The following CNN2 variants were observed in gnomAD, a reference collection of about 807,000 sequenced individuals.
CNN2 encodes the protein calponin-2.
Under a neutral mutation model 31.0 loss-of-function variants are expected in CNN2, and 21 were observed. That is an observed-to-expected ratio of 0.68 (90% CI 0.48 to 0.98). CNN2 has a LOEUF of 0.98. CNN2 is among the 50% of genes least tolerant of loss of function. The pLI, the probability that CNN2 is intolerant of heterozygous loss-of-function variation, is 0.00. For missense variants in CNN2, 399 were observed against 427.3 expected (o/e 0.93, Z 0.58); for synonymous variants, 165 against 179.6 (o/e 0.92, Z 0.65).
At chr19:1,036,064 C>A (rs762065774) in intron 4 of CNN2, 66 bp from the exon 5 acceptor site, 1 of 1,509,700 alleles carries the variant, frequency 6.6e-7, no homozygotes, top group East Asian at 2.3e-5. Context: ...GTCCCGCCCC[C>A]AGGGCCTAGA....
chr19:1,032,758 T>C (rs771450353), intron 4 of CNN2, 62 bp downstream of exon 4: 205 of 1,292,276 alleles, frequency 1.6e-4, no homozygotes, highest in Non-Finnish European at 1.9e-4. Context: ...ATGTAGCTGC[T>C]GCATTCACTC....
rs1176767141 is a variant in CNN2, at chr19:1,036,488, A to C, written c.580A>C (p.Lys194Gln). 2 of 1,613,082 alleles carry C rather than the reference A, an allele frequency of 1.2e-6. No homozygotes were observed. Among genetic ancestry groups the C allele is most frequent in the Non-Finnish European group, 1.7e-6 (2 of 1,179,270 alleles). The change falls in exon 6 of 7, where the codon AAG (lysine) becomes CAG (glutamine). Residue 194 changes from lysine (K) to glutamine (Q), a missense_variant. By Grantham distance (53) the Lys-to-Gln change is moderately conservative (BLOSUM62 1). Transcript: ENST00000263097. ...YGTRRHLYDP[K>Q]NHILPPMDHS... Reference sequence around the variant, plus strand: ...CACGAGAAGGCATCTCTATGACCCCAAGAACCATATCCTGCCCCCCATGGA... The same window carrying C: ...CACGAGAAGGCATCTCTATGACCCCCAGAACCATATCCTGCCCCCCATGGA...
chr19:1,032,262 T>A, intron 2 of CNN2, 130 bp from the exon 3 acceptor site: 1 of 971,002 alleles, frequency 1.0e-6, no homozygotes, highest in Non-Finnish European at 1.5e-6. Context: ...GAGTGGAAAC[T>A]GAGGCCCAGA....
intron 4 of CNN2, among the ~76,000 whole-genome samples, chr19:1,035,781 GC>G (rs2039572148): frequency 1.3e-5 from 2 of 152,176 alleles, no homozygotes; most frequent in African/African-American, 2.4e-5. Context: ...AATTAGCCTG[GC>G]GTGGTGGCAC....
At chr19:1,037,109 T>C (rs5014188) in intron 6 of CNN2, 168,722 of 200,518 alleles carry the variant, frequency 0.84, 71,329 homozygotes, top group Admixed American at 0.88. Flanking sequence ...CCACCCGCCT[T>C]GACCTCCCAA....
chr19:1,030,901 C>T (rs1212511882), intron 1 of CNN2, 170 bp from the exon 2 acceptor site: 2 of 834,954 alleles, frequency 2.4e-6, no homozygotes, highest in Admixed American at 2.6e-5. Flanking sequence ...GGGGCGCCCC[C>T]AATGATGGGA....
intron 4 of CNN2, chr19:1,032,904 G>C (rs910794517): frequency 6.1e-6 from 3 of 490,608 alleles, no homozygotes; most frequent in Non-Finnish European, 1.1e-5. Flanking sequence ...TCAGTCTCCC[G>C]AGTAGCTGGG....
chr19:1,030,470 C>CA (rs1457135722), intron 1 of CNN2, among the ~76,000 whole-genome samples: 2 of 151,906 alleles, frequency 1.3e-5, no homozygotes, highest in Non-Finnish European at 2.9e-5. Flanking sequence ...ATTAAAAATA[C>CA]AAAAAATGAG....
chr19:1,028,909 T>TG (rs945438980), intron 1 of CNN2, among the ~76,000 whole-genome samples: 3 of 152,148 alleles, frequency 2.0e-5, no homozygotes, highest in African/African-American at 4.8e-5. Flanking sequence ...GAGCTGGTAC[T>TG]GGGGGGCCTC....
chr19:1,027,260 G>C (rs2039414103), intron 1 of CNN2, among the ~76,000 whole-genome samples: 2 of 152,260 alleles, frequency 1.3e-5, no homozygotes, highest in African/African-American at 4.8e-5. Context: ...GGTGTCTTGG[G>C]GGGAGGGGCG....
At chr19:1,033,678 G>A (rs1313607601) in intron 4 of CNN2, among the ~76,000 whole-genome samples, 87 of 134,540 alleles carry the variant, frequency 6.5e-4, no homozygotes, top group African/African-American at 2.3e-3. Context: ...GACCGGGAGC[G>A]TGGGTGGGAC....
chr19:1,032,383 G>C lies in CNN2; in HGVS notation c.186-9G>C. The C allele has an allele frequency of 6.2e-7, 1 of 1,613,366 alleles. No homozygotes were observed. Among genetic ancestry groups the C allele is most frequent in the East Asian group, 2.2e-5 (1 of 44,882 alleles). Reference sequence around the variant, plus strand: ...TTCTGTTTCCCCCGCCCCATGTTGTGCCCTCCAGACTCATGAACAAGCTAC... The same window carrying C: ...TTCTGTTTCCCCCGCCCCATGTTGTCCCCTCCAGACTCATGAACAAGCTAC... On this transcript the variant is annotated splice_polypyrimidine_tract_variant and intron_variant, in intron 2 of 6. Transcript: ENST00000263097.
Position 1,038,182 on chromosome 19 carries a change from G to C in CNN2, c.*282G>C, listed in dbSNP as rs1191334726. The stretch of plus-strand genomic sequence containing the variant: ...CACATTCAGGCTGTGCTGGGAAGAA[G>C]AGACCTGGGCTTGGAAGGAACCGGT... On this transcript the variant is annotated 3_prime_UTR_variant, in exon 7 of 7. Transcript: ENST00000263097. 2.7e-6 allele frequency: 1 copy of C among 366,004 alleles called. No homozygotes were observed. The highest frequency in any genetic ancestry group is 4.1e-5 in the East Asian group (1 of 24,610). The allele number at this position is 366,004 out of a possible 1,614,324, so 22.7% of individuals were successfully genotyped here.
chr19:1,031,478 T>TCGAA (rs2039494798), intron 2 of CNN2, among the ~76,000 whole-genome samples: 5 of 136,944 alleles, frequency 3.7e-5, no homozygotes, highest in Non-Finnish European at 1.5e-5. Flanking sequence ...GGAAGGAGAA[T>TCGAA]TGCTTGAACC....
intron 2 of CNN2, among the ~76,000 whole-genome samples, chr19:1,031,551 C>T (rs113772652): frequency 0.4 from 40,975 of 102,428 alleles, 9,191 homozygotes; most frequent in Middle Eastern, 0.61. Context: ...GGTGACACAG[C>T]GAGACTCCAT....
chr19:1,034,182 G>GACAT (rs2039547611), intron 4 of CNN2, among the ~76,000 whole-genome samples: 1 of 6,384 alleles, frequency 1.6e-4, no homozygotes, highest in Non-Finnish European at 2.7e-4. Flanking sequence ...GGGTGGGACG[G>GACAT]TGTCTGGTGT....
In CNN2 at chr19:1,036,413, C is replaced by T. The variant is rs765947633; in HGVS notation, c.508-3C>T. ...CTGACCTCTCCCACGAACCTCCCTG[C>T]AGATGGGCACCAACAAATGCGCCAG... On this transcript the variant is annotated splice_region_variant and splice_polypyrimidine_tract_variant and intron_variant, in intron 5 of 6. Transcript: ENST00000263097. 3 of 1,613,158 alleles carry T rather than the reference C, an allele frequency of 1.9e-6. No individual in the cohort carries two copies. The highest frequency in any genetic ancestry group is 2.5e-6 in the Non-Finnish European group (3 of 1,179,332).
At position 1,030,950 on chromosome 19, in the gene CNN2, C is replaced by T. The variant is rs991124885; in HGVS notation, c.64-121C>T. The T allele has an allele frequency of 3.1e-6, 4 of 1,283,394 alleles. No individual in the cohort carries two copies. In the African/African-American group the frequency reaches 6.0e-5, roughly 19 times the overall value. 79.5% of individuals were successfully genotyped at this position (1,283,394 alleles called of 1,614,324 possible). A position where few individuals can be genotyped will look rare whatever the true frequency, so the allele number is the denominator to read the frequency against. On this transcript the variant is annotated intron_variant, in intron 1 of 6. Coordinates refer to ENST00000263097, the MANE Select transcript of CNN2 (RefSeq NM_004368.4). The stretch of plus-strand genomic sequence containing the variant: ...GCGTGGGTGTGGTGAGGGGGGACCT[C>T]CAGGCCGCTCTATCTGCTGTTGCCC...
In CNN2 at chr19:1,032,545, C is replaced by T; in HGVS notation, c.253-14C>T. The T allele has an allele frequency of 6.2e-7, 1 of 1,613,406 alleles. No individual in the cohort carries two copies. The highest frequency in any genetic ancestry group is 8.5e-7 in the Non-Finnish European group (1 of 1,179,818). On this transcript the variant is annotated splice_polypyrimidine_tract_variant and intron_variant, in intron 3 of 6. Coordinates refer to ENST00000263097, the MANE Select transcript of CNN2 (RefSeq NM_004368.4). Reference sequence around the variant, plus strand: ...CTGAGGCCCACTCACTGTCCCTCTCCTGCCTCTTCCCAGCTAGAAAACCTG... The same window carrying T: ...CTGAGGCCCACTCACTGTCCCTCTCTTGCCTCTTCCCAGCTAGAAAACCTG...
Sources: allele counts gnomAD v4.1 joint callset (sites outside exome capture counted in the v4.1 genomes callset), GRCh38; gene constraint gnomAD v4.1.1; transcripts MANE v1.5; gene names NCBI Gene and HGNC (gene_info 2026-07-23, HGNC 2026-07-21).